CDKAL1: variants seen among roughly 807,000 people sequenced by gnomAD.
CDKAL1 encodes the protein CDKAL1 threonylcarbamoyladenosine tRNA methylthiotransferase.
In CDKAL1, 32 loss-of-function variants were observed where a neutral mutation model predicts 68.2. That is an observed-to-expected ratio of 0.47 (90% confidence interval 0.35 to 0.63). CDKAL1 has a LOEUF of 0.63. Among genes scored for constraint, CDKAL1 ranks in the 30% least tolerant of loss-of-function variants. The pLI, the probability that CDKAL1 is intolerant of heterozygous loss-of-function variation, is 0.00. For synonymous variants in CDKAL1, 234 were observed against 244.3 expected (o/e 0.96, Z 0.39); for missense variants, 606 against 696.7 (o/e 0.87, Z 1.47).
intron 4 of CDKAL1, among the ~76,000 whole-genome samples, chr6:20,583,784 G>A (rs1055883584): frequency 2.0e-5 from 3 of 147,418 alleles, no homozygotes; most frequent in African/African-American, 5.0e-5. Flanking sequence ...TAGTAAAAGC[G>A]CCCCCCCCCA....
intron 9 of CDKAL1, among the ~76,000 whole-genome samples, chr6:20,866,209 T>C (rs541100584): frequency 6.6e-6 from 1 of 152,292 alleles, no homozygotes; most frequent in African/African-American, 2.4e-5. Context: ...TTCTCTAGTC[T>C]GGCCAACAGA....
chr6:21,010,206 G>T (rs1767938617), intron 11 of CDKAL1, among the ~76,000 whole-genome samples: 1 of 152,160 alleles, frequency 6.6e-6, no homozygotes, highest in South Asian at 2.1e-4. Flanking sequence ...ACAAATAAAA[G>T]TAATGAGTGT....
intron 9 of CDKAL1, among the ~76,000 whole-genome samples, chr6:20,900,613 GA>G (rs1218264944): frequency 1.3e-5 from 2 of 152,188 alleles, no homozygotes; most frequent in African/African-American, 2.4e-5. Context: ...GTTTCCCCCT[GA>G]AACATCTGTT....
At chr6:21,222,300 G>A (rs73389904) in intron 15 of CDKAL1, among the ~76,000 whole-genome samples, 10,909 of 152,186 alleles carry the variant, frequency 0.072, 1,115 homozygotes, top group African/African-American at 0.23. Context: ...GAAAAATGTC[G>A]CATGAATAAT....
At chr6:20,795,547 C>T (rs999831964) in intron 8 of CDKAL1, among the ~76,000 whole-genome samples, 3 of 152,144 alleles carry the variant, frequency 2.0e-5, no homozygotes, top group African/African-American at 7.2e-5. Flanking sequence ...TTCACTTTAT[C>T]AGATATTCCA....
rs189632682 is a variant in CDKAL1, at chr6:21,046,579, C to T, written c.1056-18469C>T. 1.4e-3 allele frequency among the ~76,000 whole-genome samples: 213 copies of T among 152,358 alleles called. 1 individual carries two copies. Among genetic ancestry groups the T allele is most frequent in the Admixed American group, 2.8e-3 (43 of 15,308 alleles). On this transcript the variant is annotated intron_variant, in intron 11 of 15. Coordinates refer to ENST00000274695, the MANE Select transcript of CDKAL1 (RefSeq NM_017774.3). Reference sequence around the variant, plus strand: ...AGCCGCAGCTGACAGGCCAGCCAGGCGTGGCGTGAGACACAACGGAGCTGC... The same window carrying T: ...AGCCGCAGCTGACAGGCCAGCCAGGTGTGGCGTGAGACACAACGGAGCTGC...
At chr6:21,090,406 T>C (rs1283229488) in intron 12 of CDKAL1, among the ~76,000 whole-genome samples, 2 of 152,224 alleles carry the variant, frequency 1.3e-5, no homozygotes, top group Non-Finnish European at 2.9e-5. Flanking sequence ...TTGATTGCTT[T>C]CCATACCTAG....
intron 14 of CDKAL1, among the ~76,000 whole-genome samples, chr6:21,200,127 A>C (rs1159007315): frequency 6.6e-6 from 1 of 152,242 alleles, no homozygotes; most frequent in Non-Finnish European, 1.5e-5. Context: ...ACTTGAAAAG[A>C]CTGGCAAGTC....
intron 15 of CDKAL1, among the ~76,000 whole-genome samples, chr6:21,206,231 A>G (rs950485710): frequency 2.0e-5 from 3 of 152,090 alleles, no homozygotes; most frequent in Non-Finnish European, 4.4e-5. Context: ...CTTTTTGTAT[A>G]CCAGAGTAAA....
In CDKAL1 at chr6:21,000,332, G is replaced by T. The variant is rs1343403736; in HGVS notation, c.1015G>T (p.Val339Leu). The change falls in exon 11 of 16, where the codon GTG becomes TTG. Residue 339 changes from valine (V) to leucine (L), a missense_variant. Physicochemically the swap from Val to Leu is conservative, Grantham distance 32. Coordinates refer to ENST00000274695, the MANE Select transcript of CDKAL1 (RefSeq NM_017774.3). Reference sequence around the variant, plus strand: ...CATGGAAATGAAAAGAGAATACTGTGTGGCTGACTTCAAAAGAGTAGTGGA... The same window carrying T: ...CATGGAAATGAAAAGAGAATACTGTTTGGCTGACTTCAAAAGAGTAGTGGA... ...VLMEMKREYC[V>L]ADFKRVVDFL... The T allele has an allele frequency of 1.2e-6, 2 of 1,613,858 alleles. No individual in the cohort carries two copies. The highest frequency in any genetic ancestry group is 1.7e-6 in the Non-Finnish European group (2 of 1,179,768).
At chr6:20,743,170 T>A (rs1319018972) in intron 6 of CDKAL1, among the ~76,000 whole-genome samples, 2 of 152,166 alleles carry the variant, frequency 1.3e-5, no homozygotes, top group Admixed American at 6.6e-5. Context: ...AAGTTTAGAA[T>A]TGTATTGCAC....
chr6:20,786,840 G>A (rs565235718), intron 8 of CDKAL1, among the ~76,000 whole-genome samples: 3 of 151,970 alleles, frequency 2.0e-5, no homozygotes, highest in Non-Finnish European at 4.4e-5. Context: ...GTGTGGAGAC[G>A]GGTAGGAGGT....
rs140085621 is a variant in CDKAL1 at position 20,931,412 on chromosome 6, T to G, written c.743-24007T>G. 3.0e-3 allele frequency among the ~76,000 whole-genome samples: 459 copies of G among 152,296 alleles called. 4 individuals carry two copies. Among genetic ancestry groups the G allele is most frequent in the Middle Eastern group, 0.01 (3 of 294 alleles). On this transcript the variant is annotated intron_variant, in intron 9 of 15. Coordinates refer to ENST00000274695, the MANE Select transcript of CDKAL1 (RefSeq NM_017774.3). ...AAATAAGACATAGGAGATATTAATG[T>G]CCTCATCGTCATTGCCTGGTAAGAG...
rs150481938 is a variant in CDKAL1 at position 21,125,823 on chromosome 6, C to T, written c.1299+17360C>T. Among the ~76,000 whole-genome samples, 97 of 152,352 alleles carry T rather than the reference C, an allele frequency of 6.4e-4. 1 individual carries two copies. Among genetic ancestry groups the T allele is most frequent in the Middle Eastern group, 3.4e-3 (1 of 294 alleles). The stretch of plus-strand genomic sequence containing the variant: ...CTAGGAGCTCTCCTGTCTTCCTCTA[C>T]TCTCAGCTCCTCTGGGGAGTTAGGT... On this transcript the variant is annotated intron_variant, in intron 13 of 15. Coordinates refer to ENST00000274695, the MANE Select transcript of CDKAL1 (RefSeq NM_017774.3).
intron 15 of CDKAL1, among the ~76,000 whole-genome samples, chr6:21,211,427 A>T (rs1779143995): frequency 6.6e-6 from 1 of 152,110 alleles, no homozygotes; most frequent in African/African-American, 2.4e-5. Flanking sequence ...AACATAACAG[A>T]GGTTTATTTC....
At chr6:20,841,728 T>C (rs1213418595) in intron 8 of CDKAL1, among the ~76,000 whole-genome samples, 3 of 152,140 alleles carry the variant, frequency 2.0e-5, no homozygotes, top group African/African-American at 7.2e-5. Flanking sequence ...TGAGACCCTG[T>C]CTTTACAAAA....
intron 5 of CDKAL1, among the ~76,000 whole-genome samples, chr6:20,650,889 C>T (rs2127761915): frequency 6.6e-6 from 1 of 152,244 alleles, no homozygotes; most frequent in South Asian, 2.1e-4. Flanking sequence ...TTTCTGAGTT[C>T]TCTATTCTGT....
chr6:21,048,972 T>C (rs550219589), intron 11 of CDKAL1, among the ~76,000 whole-genome samples: 3 of 152,176 alleles, frequency 2.0e-5, no homozygotes, highest in Non-Finnish European at 4.4e-5. Flanking sequence ...ATTTCTGTAA[T>C]TGGATTTTTT....
At chr6:21,211,167 T>C (rs1447742135) in intron 15 of CDKAL1, among the ~76,000 whole-genome samples, 3 of 152,180 alleles carry the variant, frequency 2.0e-5, no homozygotes, top group African/African-American at 7.2e-5. Flanking sequence ...GAGAAGAACT[T>C]AATCAGGCAA....
Sources: allele counts gnomAD v4.1 joint callset (sites outside exome capture counted in the v4.1 genomes callset), GRCh38; gene constraint gnomAD v4.1.1; transcripts MANE v1.5; gene names NCBI Gene and HGNC (gene_info 2026-07-23, HGNC 2026-07-21).